The following MTAP variants were observed in gnomAD, a reference collection of about 807,000 sequenced individuals.
MTAP encodes the protein S-methyl-5'-thioadenosine phosphorylase.
In MTAP, 33 loss-of-function variants were observed where a neutral mutation model predicts 33.6. That is an observed-to-expected ratio of 0.98 (90% confidence interval 0.74 to 1.31). MTAP has a LOEUF of 1.31. MTAP is among the 40% of genes most tolerant of loss of function. The probability of loss-of-function intolerance (pLI) is 0.00; values close to 1 mark genes in which losing one functional copy is unlikely to be tolerated. For synonymous variants in MTAP, 148 were observed against 125.7 expected, an observed-to-expected ratio of 1.18 and a Z score of -1.19; for missense variants, 367 against 360.0, an observed-to-expected ratio of 1.02 and a Z score of -0.16.
At chr9:21,821,321 G>A (rs1014348396) in intron 4 of MTAP, among the ~76,000 whole-genome samples, 17 of 152,182 alleles carry the variant, frequency 1.1e-4, no homozygotes, top group African/African-American at 4.1e-4. Context: ...CTTATTGAGA[G>A]TTTTTAGCAT....
At chr9:21,835,169 TA>T (rs1825074060) in intron 4 of MTAP, among the ~76,000 whole-genome samples, 1 of 152,148 alleles carries the variant, frequency 6.6e-6, no homozygotes, top group Non-Finnish European at 1.5e-5. Flanking sequence ...GGATCTCTTT[TA>T]TAAGGGGTCT....
chr9:21,807,788 T>G (rs1824245521), intron 1 of MTAP, among the ~76,000 whole-genome samples: 1 of 152,212 alleles, frequency 6.6e-6, no homozygotes. Context: ...ATTTTTTATT[T>G]TTGCCAGGAG....
intron 2 of MTAP, 120 bp downstream of exon 2, chr9:21,815,639 G>C: frequency 1.4e-6 from 1 of 735,794 alleles, no homozygotes; most frequent in Non-Finnish European, 2.3e-6. Context: ...AGGGCTGTCT[G>C]CTCCCAGCAG....
chr9:21,833,659 A>AG (rs1825028152), intron 4 of MTAP, among the ~76,000 whole-genome samples: 1 of 152,116 alleles, frequency 6.6e-6, no homozygotes, highest in Admixed American at 6.5e-5. Context: ...TCTGCCAGTA[A>AG]ATTAATTGAC....
intron 1 of MTAP, among the ~76,000 whole-genome samples, chr9:21,883,279 G>C (rs888450169): frequency 1.3e-5 from 2 of 152,064 alleles, no homozygotes; most frequent in African/African-American, 4.8e-5. Context: ...ATGAATAAAT[G>C]CTCAACCTTC....
chr9:21,893,813 A>G (rs1027580804), intron 1 of MTAP: 9 of 151,862 alleles, frequency 5.9e-5, no homozygotes, highest in African/African-American at 1.2e-4. Flanking sequence ...GAATTCTACC[A>G]TATGTAAAAA....
At chr9:21,838,145 GAA>G in intron 5 of MTAP, 135 bp downstream of exon 5, 2 of 660,332 alleles carry the variant, frequency 3.0e-6, no homozygotes, top group Admixed American at 2.7e-5. Context: ...AAAGTTTTAT[GAA>G]GAGTTATTTC....
chr9:21,926,724 A>G (rs1818875421), intron 1 of MTAP, among the ~76,000 whole-genome samples: 1 of 152,168 alleles, frequency 6.6e-6, no homozygotes, highest in African/African-American at 2.4e-5. Flanking sequence ...TGACCTGTTA[A>G]TCTGCTCCCC....
chr9:21,888,350 T>C (rs1293402391), intron 1 of MTAP, among the ~76,000 whole-genome samples: 2 of 152,154 alleles, frequency 1.3e-5, no homozygotes, highest in Non-Finnish European at 2.9e-5. Flanking sequence ...TTCTAGGGTA[T>C]AGTTTAAGTC....
intron 6 of MTAP, among the ~76,000 whole-genome samples, chr9:21,855,315 A>G (rs1365880608): frequency 6.6e-6 from 1 of 152,244 alleles, no homozygotes; most frequent in Non-Finnish European, 1.5e-5. Context: ...GACAACAAAC[A>G]GAGAAGTCCT....
At chr9:21,855,129 G>A (rs1462526730) in intron 6 of MTAP, among the ~76,000 whole-genome samples, 2 of 152,240 alleles carry the variant, frequency 1.3e-5, no homozygotes, top group African/African-American at 4.8e-5. Flanking sequence ...CTAAGACTTG[G>A]GCCTTATTTT....
At chr9:21,844,817 A>G (rs1048317553) in intron 5 of MTAP, among the ~76,000 whole-genome samples, 5 of 152,216 alleles carry the variant, frequency 3.3e-5, no homozygotes, top group Non-Finnish European at 5.9e-5. Context: ...GGCGGATCAC[A>G]AGGTCAGATC....
At chr9:21,813,333 A>G (rs1226900906) in intron 1 of MTAP, among the ~76,000 whole-genome samples, 1 of 152,218 alleles carries the variant, frequency 6.6e-6, no homozygotes, top group Non-Finnish European at 1.5e-5. Flanking sequence ...CCTGCAGATC[A>G]TTCCAGAGCA....
At chr9:21,892,590 G>T (rs1163971423) in intron 1 of MTAP, 2 of 152,172 alleles carry the variant, frequency 1.3e-5, no homozygotes, top group Non-Finnish European at 2.9e-5. Context: ...TATATATGCA[G>T]CCAATACTGA....
chr9:21,859,313 A>T lies in MTAP; in HGVS notation c.701A>T (p.Asp234Val). 6.2e-7 allele frequency: 1 copy of T among 1,610,594 alleles called. No homozygotes were observed. The highest frequency in any genetic ancestry group is 8.5e-7 in the Non-Finnish European group (1 of 1,178,852). Residue 234 changes from aspartate to valine, a missense_variant, in exon 7 of 8, where the codon GAC becomes GTC. By Grantham distance (152) the Asp-to-Val change is radical. Coordinates refer to ENST00000644715, the MANE Select transcript of MTAP (RefSeq NM_002451.4). ...WKEHEEAVSV[D>V]RVLKTLKENA... ...CTATTGTTTCTCTAGGTTTCGGTGG[A>T]CCGGGTCTTAAAGACCCTGAAAGAA...
At chr9:21,806,263 G>T (rs1033036070) in intron 1 of MTAP, among the ~76,000 whole-genome samples, 9 of 152,082 alleles carry the variant, frequency 5.9e-5, no homozygotes, top group Non-Finnish European at 1.3e-4. Flanking sequence ...ATCAGATTGG[G>T]GATAGAATTT....
downstream of MTAP, chr9:21,933,024 C>T (rs1046521106): frequency 6.6e-6 from 1 of 152,192 alleles, no homozygotes; most frequent in African/African-American, 2.4e-5. Flanking sequence ...CTTTAGCCAC[C>T]TGTATGCTTT....
chr9:21,936,737 A>G (rs1223559945), exon 8 of MTAP: 5 of 152,340 alleles, frequency 3.3e-5, no homozygotes, highest in East Asian at 1.9e-4. Context: ...AGTTTTCACT[A>G]GAAATTGAAG....
At chr9:21,917,164 G>A (rs934886990) in intron 1 of MTAP, among the ~76,000 whole-genome samples, 22 of 152,288 alleles carry the variant, frequency 1.4e-4, no homozygotes, top group Admixed American at 1.4e-3. Context: ...GCACTCAGGG[G>A]AAATACAAAG....
Sources: allele counts gnomAD v4.1 joint callset (sites outside exome capture counted in the v4.1 genomes callset), GRCh38; gene constraint gnomAD v4.1.1; transcripts MANE v1.5; gene names NCBI Gene and HGNC (gene_info 2026-07-23, HGNC 2026-07-21).